SLFN5: variants seen among roughly 807,000 people sequenced by gnomAD.
SLFN5 encodes schlafen family member 5.
In SLFN5, 34 loss-of-function variants were observed where a neutral mutation model predicts 48.5. That is an observed-to-expected ratio of 0.70 (90% CI 0.53 to 0.93). SLFN5 has a LOEUF of 0.93. SLFN5 is among the 40% of genes least tolerant of loss of function. The probability of loss-of-function intolerance (pLI) is 0.00; values close to 1 mark genes in which losing one functional copy is unlikely to be tolerated. For missense variants in SLFN5, 1,006 were observed against 1,071.3 expected (o/e 0.94, Z 0.85); for synonymous variants, 387 against 396.2 (o/e 0.98, Z 0.28).
In SLFN5 at chr17:35,270,192, A is replaced by T. The variant is rs1293805648; in HGVS notation, c.*4304A>T. On this transcript the variant is annotated 3_prime_UTR_variant, in exon 5 of 5. Coordinates refer to ENST00000299977, the MANE Select transcript of SLFN5 (RefSeq NM_144975.4). ...ATTTTTAAAAGCTTTCTGGAATATT[A>T]TTAACCTTGAATATTTCTAGTTGAT... is the stretch of plus-strand genomic sequence containing the variant. The T allele has an allele frequency of 6.6e-6, 1 of 152,162 alleles. No individual in the cohort carries two copies. The highest frequency in any genetic ancestry group is 2.4e-5 in the African/African-American group (1 of 41,430). The allele number at this position is 152,162 out of a possible 1,614,324, so 9.4% of individuals were successfully genotyped here.
At chr17:35,244,043 T>C (rs1390557905) in intron 1 of SLFN5, among the ~76,000 whole-genome samples, 1 of 152,204 alleles carries the variant, frequency 6.6e-6, no homozygotes, top group African/African-American at 2.4e-5. Flanking sequence ...ACCAGACTTC[T>C]GGGCGTCAGC....
chr17:35,252,254 A>G (rs2092444137), intron 1 of SLFN5, among the ~76,000 whole-genome samples: 1 of 151,944 alleles, frequency 6.6e-6, no homozygotes, highest in Admixed American at 6.6e-5. Context: ...ATCTTGTAAG[A>G]CCCTATCTGT....
At position 35,266,177 on chromosome 17, in the gene SLFN5, T is replaced by TGTGC. The variant is rs35160124; in HGVS notation, c.*290_*291insTGCG. 876 of 173,358 alleles carry TGTGC rather than the reference T, an allele frequency of 5.1e-3. 9 individuals are homozygous for TGTGC. The highest frequency in any genetic ancestry group is 0.034 in the Middle Eastern group (12 of 350). The allele number at this position is 173,358 out of a possible 1,614,324, so 10.7% of individuals were successfully genotyped here. A position where few individuals can be genotyped will look rare whatever the true frequency, so the allele number is the denominator to read the frequency against. ...GTGTGTGTGTGTGTGTGTGTGTGTG[T>TGTGC]GCGCGCGCGCACGTGCACATGTGTG... On this transcript the variant is annotated 3_prime_UTR_variant, in exon 5 of 5. Transcript: ENST00000299977.
At chr17:35,246,515 C>G (rs2092430957) in intron 1 of SLFN5, among the ~76,000 whole-genome samples, 1 of 152,114 alleles carries the variant, frequency 6.6e-6, no homozygotes, top group Admixed American at 6.6e-5. Flanking sequence ...TAGTGTCTTT[C>G]AGAAGGAGAA....
Position 35,265,449 on chromosome 17 carries a change from A to G in SLFN5, c.2237A>G (p.Tyr746Cys), listed in dbSNP as rs776235289. ...NLPPGSLVML[Y>C]EPKWAQGVPG... Reference sequence around the variant, plus strand: ...CCCCCTGGGTCCCTGGTGATGCTCTATGAACCTAAATGGGCTCAAGGTGTC... The same window carrying G: ...CCCCCTGGGTCCCTGGTGATGCTCTGTGAACCTAAATGGGCTCAAGGTGTC... Residue 746 changes from tyrosine (Y) to cysteine (C), a missense_variant, in exon 5 of 5, where the codon TAT becomes TGT. By Grantham distance (194) the Tyr-to-Cys change is radical. Coordinates refer to ENST00000299977, the MANE Select transcript of SLFN5 (RefSeq NM_144975.4). 2 of 1,613,622 alleles carry G rather than the reference A, an allele frequency of 1.2e-6. No individual in the cohort carries two copies. The highest frequency in any genetic ancestry group is 8.5e-7 in the Non-Finnish European group (1 of 1,180,020).
At position 35,266,224 on chromosome 17, in the gene SLFN5, T is replaced by C; in HGVS notation, c.*336T>C. ...TGTGTAGGTAGATGGAGGGGGTGAT[T>C]ATTTTGGGTGGTCAGGGAAGTGCTC... On this transcript the variant is annotated 3_prime_UTR_variant, in exon 5 of 5. Coordinates refer to ENST00000299977, the MANE Select transcript of SLFN5 (RefSeq NM_144975.4). 5.6e-6 allele frequency: 1 copy of C among 177,062 alleles called. No individual in the cohort carries two copies. The allele number at this position is 177,062 out of a possible 1,614,324, so 11.0% of individuals were successfully genotyped here.
chr17:35,261,607 G>A (rs779278178), intron 3 of SLFN5, among the ~76,000 whole-genome samples: 6 of 151,148 alleles, frequency 4.0e-5, no homozygotes, highest in Non-Finnish European at 8.8e-5. Context: ...GGACTCAAGC[G>A]ATCCTTCCAC....
intron 1 of SLFN5, among the ~76,000 whole-genome samples, chr17:35,251,839 G>A (rs2092443337): frequency 6.7e-6 from 1 of 150,358 alleles, no homozygotes; most frequent in Non-Finnish European, 1.5e-5. Context: ...TCAACCTCCC[G>A]AGTAGCTGGG....
chr17:35,259,850 T>C (rs191986848), intron 2 of SLFN5, 148 bp downstream of exon 2: 5 of 911,964 alleles, frequency 5.5e-6, no homozygotes, highest in South Asian at 5.3e-5. Context: ...TTAATCCCTG[T>C]AGATGTAGTT....
intron 2 of SLFN5, chr17:35,259,930 A>G (rs1392483593): frequency 1.9e-6 from 1 of 540,534 alleles, no homozygotes; most frequent in African/African-American, 1.9e-5. Flanking sequence ...CCTGGCTAGT[A>G]GCCCCATTAA....
rs1485741609 is a variant in SLFN5 at position 35,261,076 on chromosome 17, A to C, written c.1118A>C (p.Gln373Pro). The change falls in exon 3 of 5, where the codon CAG (glutamine) becomes CCG (proline). Residue 373 changes from glutamine to proline, a missense_variant. Transcript: ENST00000299977. The part of the protein sequence containing the change: ...IHKNSECLKE[Q>P]QKRYFPVFSD... ...AAGAATTCGGAATGTCTGAAAGAGC[A>C]GCAGAAACGCTACTTTCCAGGTAAT... The C allele has an allele frequency of 6.2e-7, 1 of 1,613,628 alleles. No individual in the cohort carries two copies. Among genetic ancestry groups the C allele is most frequent in the Admixed American group, 1.7e-5 (1 of 60,014 alleles).
At chr17:35,249,547 T>C (rs538118037) in intron 1 of SLFN5, among the ~76,000 whole-genome samples, 1 of 152,326 alleles carries the variant, frequency 6.6e-6, no homozygotes, top group Admixed American at 6.5e-5. Context: ...CTCAATCTCT[T>C]CCTCTGAGTA....
rs1395853939 is a variant in SLFN5 at position 35,269,716 on chromosome 17, T to G, written c.*3828T>G. The G allele has an allele frequency of 6.6e-6, 1 of 152,216 alleles. No homozygotes were observed. Among genetic ancestry groups the G allele is most frequent in the Non-Finnish European group, 1.5e-5 (1 of 68,038 alleles). 9.4% of individuals were successfully genotyped at this position (152,216 alleles called of 1,614,324 possible). A position where few individuals can be genotyped will look rare whatever the true frequency, so the allele number is the denominator to read the frequency against. On this transcript the variant is annotated 3_prime_UTR_variant, in exon 5 of 5. Transcript: ENST00000299977. ...TTGCATACCGTACTCAACTCTTAGC[T>G]AGCATAGGGCAGGTTCCTTAGTTGA... is the stretch of plus-strand genomic sequence containing the variant.
At chr17:35,250,614 C>G (rs552617605) in intron 1 of SLFN5, among the ~76,000 whole-genome samples, 1 of 150,060 alleles carries the variant, frequency 6.7e-6, no homozygotes, top group South Asian at 2.1e-4. Context: ...GAGCCGAGGT[C>G]GCGCCACTGC....
chr17:35,249,051 A>G (rs1239987669), intron 1 of SLFN5, among the ~76,000 whole-genome samples: 1 of 152,232 alleles, frequency 6.6e-6, no homozygotes, highest in Non-Finnish European at 1.5e-5. Context: ...CAAACAAAAA[A>G]ATAAAACTGT....
intron 1 of SLFN5, among the ~76,000 whole-genome samples, chr17:35,251,905 G>A (rs1043119197): frequency 1.3e-5 from 2 of 151,852 alleles, no homozygotes; most frequent in South Asian, 4.2e-4. Flanking sequence ...GTAGAAACAG[G>A]GTTTCACCAT....
rs1394487357 is a variant in SLFN5, at chr17:35,270,907, T to A, written c.*5019T>A. The A allele has an allele frequency of 3.3e-5, 5 of 152,118 alleles. No homozygotes were observed. The highest frequency in any genetic ancestry group is 4.4e-5 in the Non-Finnish European group (3 of 68,022). 9.4% of individuals were successfully genotyped at this position (152,118 alleles called of 1,614,324 possible). ...TTGACTAAAAGAGTTTCCAGAATAG[T>A]GGCAGAATATATAGGTCAAGCATAA... On this transcript the variant is annotated 3_prime_UTR_variant, in exon 5 of 5. Coordinates refer to ENST00000299977, the MANE Select transcript of SLFN5 (RefSeq NM_144975.4).
At position 35,259,378 on chromosome 17, in the gene SLFN5, G is replaced by A. The variant is rs780835489; in HGVS notation, c.688G>A (p.Gly230Ser). Reference protein sequence around the residue: ...ANTEGGYVFFGVHDETCQVIG... With the variant: ...ANTEGGYVFFSVHDETCQVIG... ...TACTGAAGGAGGATATGTATTTTTT[G>A]GTGTGCATGATGAGACTTGTCAAGT... is the stretch of plus-strand genomic sequence containing the variant. The change falls in exon 2 of 5, where the codon GGT becomes AGT. Residue 230 changes from glycine (G) to serine (S), a missense_variant. Transcript: ENST00000299977. 1 of 1,614,112 alleles carries A rather than the reference G, an allele frequency of 6.2e-7. No homozygotes were observed. Among genetic ancestry groups the A allele is most frequent in the Non-Finnish European group, 8.5e-7 (1 of 1,180,034 alleles).
intron 1 of SLFN5, among the ~76,000 whole-genome samples, chr17:35,250,174 A>G (rs1402940740): frequency 6.6e-6 from 1 of 152,200 alleles, no homozygotes; most frequent in Non-Finnish European, 1.5e-5. Context: ...CCCACACACC[A>G]TCTGTCATTA....
Sources: gnomAD v4.1 joint callset for allele counts (sites outside exome capture counted in the v4.1 genomes callset) on GRCh38, gnomAD v4.1.1 for gene constraint, MANE v1.5 for transcripts, NCBI Gene and HGNC (gene_info 2026-07-23, HGNC 2026-07-21) for gene names.